Variants in COL25A1 observed in about 807,000 individuals in gnomAD.
The protein encoded by COL25A1 is collagen alpha-1(XXV) chain.
COL25A1 carries 103 observed loss-of-function variants against 128.4 expected under a neutral mutation model. That is an observed-to-expected ratio of 0.80 (90% CI 0.68 to 0.94). The LOEUF (loss-of-function observed/expected upper bound fraction) is 0.94. Ranked by LOEUF, COL25A1 falls within the 40% of genes least tolerant of loss-of-function variation. The pLI, the probability that COL25A1 is intolerant of heterozygous loss-of-function variation, is 0.00. For missense variants in COL25A1, 745 were observed against 840.0 expected (o/e 0.89, Z 1.40); for synonymous variants, 279 against 277.2 (o/e 1.01, Z -0.06).
chr4:109,270,601 T>C (rs1578601297), intron 3 of COL25A1, among the ~76,000 whole-genome samples: 1 of 152,280 alleles, frequency 6.6e-6, no homozygotes, highest in Non-Finnish European at 1.5e-5. Flanking sequence ...CTTCACGACA[T>C]CTCAAGGATT....
chr4:108,839,421 A>C (rs2125745803), intron 31 of COL25A1, among the ~76,000 whole-genome samples: 1 of 152,342 alleles, frequency 6.6e-6, no homozygotes, highest in East Asian at 1.9e-4. Context: ...TAGCAAGTCC[A>C]AATGTGTTGG....
intron 8 of COL25A1, among the ~76,000 whole-genome samples, chr4:108,972,178 T>C (rs771342997): frequency 5.9e-5 from 9 of 151,984 alleles, no homozygotes; most frequent in Non-Finnish European, 1.2e-4. Flanking sequence ...TTGTTATTTA[T>C]GGGAAGAAAT....
chr4:109,135,947 A>C (rs1005705531), intron 3 of COL25A1, among the ~76,000 whole-genome samples: 7 of 152,210 alleles, frequency 4.6e-5, no homozygotes, highest in African/African-American at 1.7e-4. Flanking sequence ...CAGTTAATGT[A>C]ATCAACAAGC....
intron 32 of COL25A1, among the ~76,000 whole-genome samples, chr4:108,828,840 T>A (rs776673150): frequency 1.3e-5 from 2 of 152,306 alleles, no homozygotes; most frequent in Admixed American, 6.5e-5. Flanking sequence ...GTTCAGCTGA[T>A]AACAGTGCCT....
intron 3 of COL25A1, among the ~76,000 whole-genome samples, chr4:109,060,657 G>A (rs149238561): frequency 6.6e-6 from 1 of 150,872 alleles, no homozygotes; most frequent in Non-Finnish European, 1.5e-5. Context: ...CCACACGTTG[G>A]GTGCTCAGTA....
chr4:109,300,747 T>A, intron 2 of COL25A1, 95 bp from the exon 3 acceptor site: 1 of 811,382 alleles, frequency 1.2e-6, no homozygotes, highest in Non-Finnish European at 2.1e-6. Flanking sequence ...TTACCGGCAT[T>A]TCATAACCTG....
At chr4:109,299,224 G>C (rs1236209460) in intron 3 of COL25A1, among the ~76,000 whole-genome samples, 2 of 152,038 alleles carry the variant, frequency 1.3e-5, no homozygotes, top group East Asian at 1.9e-4. Flanking sequence ...AACTGTCCTG[G>C]GAATTTAAAT....
intron 3 of COL25A1, among the ~76,000 whole-genome samples, chr4:109,119,646 A>G (rs1767936532): frequency 6.6e-6 from 1 of 152,092 alleles, no homozygotes; most frequent in African/African-American, 2.4e-5. Flanking sequence ...TGAATAATTA[A>G]CACTCTTCCA....
intron 8 of COL25A1, among the ~76,000 whole-genome samples, chr4:108,949,226 A>C (rs1749118951): frequency 6.6e-6 from 1 of 152,218 alleles, no homozygotes; most frequent in Non-Finnish European, 1.5e-5. Flanking sequence ...ATAAATAAAC[A>C]TCAAGAGAAC....
intron 3 of COL25A1, among the ~76,000 whole-genome samples, chr4:109,121,485 C>A (rs770872867): frequency 9.2e-5 from 14 of 151,952 alleles, no homozygotes; most frequent in Non-Finnish European, 1.3e-4. Flanking sequence ...AGGTAGCTCA[C>A]CAAAGAAAAT....
intron 4 of COL25A1, among the ~76,000 whole-genome samples, chr4:109,049,532 A>T (rs1186121870): frequency 6.6e-6 from 1 of 152,212 alleles, no homozygotes; most frequent in African/African-American, 2.4e-5. Flanking sequence ...AAATCACCTG[A>T]CTGCTATGGG....
intron 17 of COL25A1, 117 bp downstream of exon 17, chr4:108,889,584 G>A: frequency 1.2e-6 from 1 of 862,754 alleles, no homozygotes; most frequent in Non-Finnish European, 1.9e-6. Flanking sequence ...AGTTATTGTA[G>A]GAGAATAAGA....
chr4:108,936,825 T>TATATATATA (rs1553973426), intron 11 of COL25A1, among the ~76,000 whole-genome samples: 1 of 93,218 alleles, frequency 1.1e-5, no homozygotes, highest in Non-Finnish European at 2.5e-5. Flanking sequence ...ATATATATAT[T>TATATATATA]TAGAGACAGG....
chr4:108,965,189 C>T (rs1751152385), intron 8 of COL25A1, among the ~76,000 whole-genome samples: 1 of 152,090 alleles, frequency 6.6e-6, no homozygotes, highest in Non-Finnish European at 1.5e-5. Flanking sequence ...TGCATAGTCC[C>T]AGCTGTTATG....
intron 8 of COL25A1, among the ~76,000 whole-genome samples, chr4:108,954,396 T>G (rs200446839): frequency 6.6e-5 from 10 of 152,146 alleles, no homozygotes; most frequent in Non-Finnish European, 1.2e-4. Context: ...TTTATTATAT[T>G]TAATTCTTAA....
At chr4:109,211,033 G>A (rs1777458388) in intron 3 of COL25A1, among the ~76,000 whole-genome samples, 1 of 151,868 alleles carries the variant, frequency 6.6e-6, no homozygotes, top group South Asian at 2.1e-4. Context: ...AGTGAACGGA[G>A]AGGAGGGTGG....
intron 3 of COL25A1, among the ~76,000 whole-genome samples, chr4:109,115,780 C>A (rs901404978): frequency 7.9e-5 from 12 of 152,068 alleles, no homozygotes; most frequent in South Asian, 6.2e-4. Flanking sequence ...CCCAAACTAT[C>A]AATGTGAAAA....
chr4:109,016,034 C>T (rs541526598), intron 5 of COL25A1, among the ~76,000 whole-genome samples: 35 of 152,284 alleles, frequency 2.3e-4, no homozygotes, highest in African/African-American at 7.9e-4. Flanking sequence ...GTGGGTGCCC[C>T]GCACTTCTGG....
At chr4:108,990,239 A>AAATAT (rs1754073231) in intron 6 of COL25A1, among the ~76,000 whole-genome samples, 1 of 26,350 alleles carries the variant, frequency 3.8e-5, no homozygotes, top group African/African-American at 1.7e-4. Context: ...AAAAAAAAAA[A>AAATAT]ATATATATAT....
Sources: allele counts gnomAD v4.1 joint callset (sites outside exome capture counted in the v4.1 genomes callset), GRCh38; gene constraint gnomAD v4.1.1; transcripts MANE v1.5; gene names NCBI Gene and HGNC (gene_info 2026-07-23, HGNC 2026-07-21).